The following SH3PXD2B variants were observed in gnomAD, a reference collection of about 807,000 sequenced individuals.
The protein encoded by SH3PXD2B is SH3 and PX domain-containing protein 2B.
In SH3PXD2B, 37 loss-of-function variants were observed where a neutral mutation model predicts 73.1. The observed-to-expected ratio is 0.51, with a 90% CI of 0.39 to 0.67. The LOEUF (loss-of-function observed/expected upper bound fraction) is 0.67, where lower values mean the gene tolerates loss of function less well. SH3PXD2B is among the 30% of genes least tolerant of loss of function. SH3PXD2B has a pLI of 0.00. For synonymous variants in SH3PXD2B, 457 were observed against 480.5 expected, an observed-to-expected ratio of 0.95 and a Z score of 0.64; for missense variants, 1,053 against 1,197.8, an observed-to-expected ratio of 0.88 and a Z score of 1.78.
At chr5:172,429,285 C>T (rs1759174714) in intron 1 of SH3PXD2B, among the ~76,000 whole-genome samples, 1 of 152,148 alleles carries the variant, frequency 6.6e-6, no homozygotes, top group African/African-American at 2.4e-5. Flanking sequence ...CTCTCTGTCC[C>T]CTGTGCTGCT....
intron 4 of SH3PXD2B, among the ~76,000 whole-genome samples, chr5:172,382,575 A>ACG (rs1339816922): frequency 6.6e-6 from 1 of 151,926 alleles, no homozygotes; most frequent in African/African-American, 2.4e-5. Flanking sequence ...ACACACACAC[A>ACG]CACACAATGT....
chr5:172,448,252 G>A (rs1203121892), intron 1 of SH3PXD2B, among the ~76,000 whole-genome samples: 1 of 152,254 alleles, frequency 6.6e-6, no homozygotes, highest in Non-Finnish European at 1.5e-5. Flanking sequence ...AAACTGCATA[G>A]TGTGCCTTCT....
chr5:172,396,198 CAAAAAAAAAA>C lies in SH3PXD2B; in HGVS notation c.233-1569_233-1560del, dbSNP rs571850981. ...CAAAACTCTGTCTCTACTAAAAATA[CAAAAAAAAAA>C]AAAAAAAAAAAAAAAATCAGCCTGG... On this transcript the variant is annotated intron_variant, in intron 3 of 12. Coordinates refer to ENST00000311601, the MANE Select transcript of SH3PXD2B (RefSeq NM_001017995.3). Among the ~76,000 whole-genome samples the C allele has an allele frequency of 6.3e-3, 496 of 78,388 alleles. 1 individual carries two copies. Among genetic ancestry groups the C allele is most frequent in the Middle Eastern group, 8.6e-3 (1 of 116 alleles). 51.4% of individuals were successfully genotyped at this position (78,388 alleles called of 152,430 possible). A position where few individuals can be genotyped will look rare whatever the true frequency, so the allele number is the denominator to read the frequency against.
In SH3PXD2B at chr5:172,454,494, A is replaced by G. The variant is rs1759890580; in HGVS notation, c.-142T>C. 2 of 230,106 alleles carry G rather than the reference A, an allele frequency of 8.7e-6. No individual in the cohort carries two copies. Among genetic ancestry groups the G allele is most frequent in the African/African-American group, 2.4e-5 (1 of 41,332 alleles). The allele number at this position is 230,106 out of a possible 1,614,324, so 14.3% of individuals were successfully genotyped here. A position where few individuals can be genotyped will look rare whatever the true frequency, so the allele number is the denominator to read the frequency against. ...GGGCCGAGCACGAGCCGCCGCCGCC[A>G]CCGCCGCCGCCCTTCGCTCGGCGCG... On this transcript the variant is annotated 5_prime_UTR_variant, in exon 1 of 13. Transcript: ENST00000311601.
chr5:172,356,233 A>G (rs938528082), intron 8 of SH3PXD2B, among the ~76,000 whole-genome samples: 2 of 152,136 alleles, frequency 1.3e-5, no homozygotes, highest in Admixed American at 1.3e-4. Flanking sequence ...TCATCATGAG[A>G]GAATGGTGCC....
intron 4 of SH3PXD2B, among the ~76,000 whole-genome samples, chr5:172,385,761 A>G (rs1045365602): frequency 5.9e-5 from 9 of 152,360 alleles, no homozygotes; most frequent in Non-Finnish European, 1.0e-4. Context: ...GTTTTGAGCT[A>G]TGCCTAGGAA....
At chr5:172,423,835 G>A (rs539843352) in intron 1 of SH3PXD2B, among the ~76,000 whole-genome samples, 27 of 152,308 alleles carry the variant, frequency 1.8e-4, no homozygotes, top group Admixed American at 3.9e-4. Flanking sequence ...TAGAGACGGG[G>A]TTTTGTCATG....
rs1757905009 is a variant in SH3PXD2B, at chr5:172,379,904, G to A, written c.401+2132C>T. On this transcript the variant is annotated intron_variant, in intron 5 of 12. Transcript: ENST00000311601. The stretch of plus-strand genomic sequence containing the variant: ...TTTCTATCAAGTGAGCCTCTTGTGT[G>A]GGACTGAGCTTAGGTTCAGACTCAG... 2.6e-5 allele frequency among the ~76,000 whole-genome samples: 4 copies of A among 152,220 alleles called. No individual in the cohort carries two copies. In the South Asian group the frequency reaches 6.2e-4, roughly 24 times the overall value.
At chr5:172,406,852 G>C (rs1408458899) in intron 2 of SH3PXD2B, among the ~76,000 whole-genome samples, 1 of 152,192 alleles carries the variant, frequency 6.6e-6, no homozygotes, top group Admixed American at 6.5e-5. Flanking sequence ...AGGAACAGGA[G>C]ACAGCGAGGA....
At chr5:172,398,600 C>T (rs188302434) in intron 3 of SH3PXD2B, among the ~76,000 whole-genome samples, 1 of 152,324 alleles carries the variant, frequency 6.6e-6, no homozygotes, top group Admixed American at 6.5e-5. Flanking sequence ...CTTCAACAGA[C>T]CACTCCTGTT....
chr5:172,342,001 C>G (rs940503473), intron 12 of SH3PXD2B, among the ~76,000 whole-genome samples: 4 of 151,882 alleles, frequency 2.6e-5, no homozygotes, highest in Non-Finnish European at 4.4e-5. Flanking sequence ...ATACATGGGC[C>G]CTAGTTCAAT....
At position 172,421,832 on chromosome 5, in the gene SH3PXD2B, A is replaced by C. The variant is rs910597986; in HGVS notation, c.156+584T>G. ...CACCAGCAAACACGATTATTGTTTA[A>C]AACTTAAGTTCAAACACTGCATGCC... On this transcript the variant is annotated intron_variant, in intron 2 of 12. Transcript: ENST00000311601. This position sits in a 1 kb window ranked among gnomAD's most constrained non-coding sequence, Gnocchi z 4.0. Among the ~76,000 whole-genome samples, 1 of 152,226 alleles carries C rather than the reference A, an allele frequency of 6.6e-6. No individual in the cohort carries two copies. Among genetic ancestry groups the C allele is most frequent in the Non-Finnish European group, 1.5e-5 (1 of 68,034 alleles).
At position 172,362,846 on chromosome 5, in the gene SH3PXD2B, G is replaced by T; in HGVS notation, c.451C>A (p.Pro151Thr). Residue 151 changes from proline to threonine, a missense_variant, in exon 7 of 13, where the codon CCC (proline) becomes ACC (threonine). Pro to Thr is a conservative substitution (Grantham distance 38). Around this residue, in one of 2 missense-constraint regions of SH3PXD2B, gnomAD observed 466 missense variants for 607.1 expected, o/e 0.77. Transcript: ENST00000311601. Reference sequence around the variant, plus strand: ...ACCACATACTGCTCCAGGACCATGGGGTCCACTGAGGTTTGGTCACCCCCT... The same window carrying T: ...ACCACATACTGCTCCAGGACCATGGTGTCCACTGAGGTTTGGTCACCCCCT... ...KSGGDQTSVD[P>T]MVLEQYVVVA... is the part of the protein sequence containing the mutation. The T allele has an allele frequency of 5.6e-6, 9 of 1,614,078 alleles. No homozygotes were observed. Among genetic ancestry groups the T allele is most frequent in the Non-Finnish European group, 7.6e-6 (9 of 1,180,028 alleles).
chr5:172,366,098 A>G (rs1029680766), intron 6 of SH3PXD2B, among the ~76,000 whole-genome samples: 2 of 152,208 alleles, frequency 1.3e-5, no homozygotes, highest in Non-Finnish European at 2.9e-5. Context: ...TCAAAGAGAC[A>G]TGCCCACGTC....
Position 172,335,378 on chromosome 5 carries a change from A to C in SH3PXD2B, c.*2991T>G, listed in dbSNP as rs886060412. ...TTGATTCCCTGGAAGCCCTCCGCAC[A>C]CTTCCCTGCTAATGGCAGAGAAAAG... On this transcript the variant is annotated 3_prime_UTR_variant, in exon 13 of 13. Coordinates refer to ENST00000311601, the MANE Select transcript of SH3PXD2B (RefSeq NM_001017995.3). The C allele has an allele frequency of 4.2e-5, 51 of 1,221,776 alleles. No homozygotes were observed. Among genetic ancestry groups the C allele is most frequent in the Non-Finnish European group, 5.1e-5 (50 of 982,254 alleles). 75.7% of individuals were successfully genotyped at this position (1,221,776 alleles called of 1,614,324 possible). A position where few individuals can be genotyped will look rare whatever the true frequency, so the allele number is the denominator to read the frequency against.
intron 4 of SH3PXD2B, among the ~76,000 whole-genome samples, chr5:172,390,640 G>C (rs1214234996): frequency 1.3e-5 from 2 of 152,214 alleles, no homozygotes; most frequent in Admixed American, 1.3e-4. Context: ...TGAACTTGTG[G>C]ATCACTTCCA....
intron 4 of SH3PXD2B, among the ~76,000 whole-genome samples, chr5:172,391,905 TGA>T (rs1758200121): frequency 6.6e-6 from 1 of 152,260 alleles, no homozygotes. Context: ...AAGGTCGTGA[TGA>T]GTTTCTCCTA....
intron 1 of SH3PXD2B, among the ~76,000 whole-genome samples, chr5:172,443,100 A>G: frequency 6.6e-6 from 1 of 152,240 alleles, no homozygotes; most frequent in South Asian, 2.1e-4. Flanking sequence ...TCAAAAAACA[A>G]AATTATGACT....
In SH3PXD2B at chr5:172,334,305, G is replaced by C; in HGVS notation, c.*4064C>G. Reference sequence around the variant, plus strand: ...TGGAGCCTCCGGTTCCAGCTCTGCAGCTCTGCCTGGGACCCTCGTGGAAAC... The same window carrying C: ...TGGAGCCTCCGGTTCCAGCTCTGCACCTCTGCCTGGGACCCTCGTGGAAAC... On this transcript the variant is annotated 3_prime_UTR_variant, in exon 13 of 13. Transcript: ENST00000311601. 2.0e-6 allele frequency: 2 copies of C among 998,886 alleles called. No individual in the cohort carries two copies. Among genetic ancestry groups the C allele is most frequent in the Non-Finnish European group, 2.4e-6 (2 of 840,192 alleles). 61.9% of individuals were successfully genotyped at this position (998,886 alleles called of 1,614,324 possible).
Sources: gnomAD v4.1 joint callset for allele counts (sites outside exome capture counted in the v4.1 genomes callset) on GRCh38, gnomAD v4.1.1 for gene constraint, gnomAD v4.1.1 regional missense constraint, Gnocchi (gnomAD v3.1) non-coding constraint, MANE v1.5 for transcripts, NCBI Gene and HGNC (gene_info 2026-07-23, HGNC 2026-07-21) for gene names.